Variants in RAPH1 observed in about 807,000 individuals in gnomAD.
The protein encoded by RAPH1 is Ras association (RalGDS/AF-6) and pleckstrin homology domains 1, also known as ras-associated and pleckstrin homology domains-containing protein 1.
In RAPH1, 18 loss-of-function variants were observed where a neutral mutation model predicts 88.1. The observed-to-expected ratio is 0.20, with a 90% CI of 0.14 to 0.30. The LOEUF (loss-of-function observed/expected upper bound fraction) is 0.30. Among genes scored for constraint, RAPH1 ranks in the 10% least tolerant of loss-of-function variants. RAPH1 has a pLI of 1.00. For synonymous variants in RAPH1, 587 were observed against 559.0 expected (o/e 1.05, Z -0.71); for missense variants, 1,448 against 1,543.2 (o/e 0.94, Z 1.03).
intron 10 of RAPH1, among the ~76,000 whole-genome samples, chr2:203,452,924 T>TGA (rs1408282201): frequency 6.6e-6 from 1 of 151,880 alleles, no homozygotes; most frequent in Non-Finnish European, 1.5e-5. Context: ...GGAGACAGAG[T>TGA]GAGACTGTCT....
intron 4 of RAPH1, chr2:203,477,227 G>A (rs1030961137): frequency 1.8e-6 from 2 of 1,124,568 alleles, no homozygotes; most frequent in African/African-American, 3.1e-5. Flanking sequence ...TTACCATGCA[G>A]GAAGAGAAAA....
chr2:203,533,873 C>T (rs1690497715), intron 1 of RAPH1, among the ~76,000 whole-genome samples: 1 of 152,092 alleles, frequency 6.6e-6, no homozygotes. Context: ...GGGAGGTAAA[C>T]AGGTGGTGTT....
chr2:203,489,562 G>T, intron 4 of RAPH1, 22 bp downstream of exon 4: 1 of 1,426,138 alleles, frequency 7.0e-7, no homozygotes, highest in Non-Finnish European at 9.3e-7. Context: ...AAAATACCAG[G>T]GAAAAAGTTC....
At chr2:203,506,271 T>G (rs1490470625) in intron 1 of RAPH1, among the ~76,000 whole-genome samples, 1 of 152,160 alleles carries the variant, frequency 6.6e-6, no homozygotes, top group Non-Finnish European at 1.5e-5. Flanking sequence ...CAGAGATGTG[T>G]GTATTATGTG....
chr2:203,531,689 G>T (rs559954395), intron 1 of RAPH1, among the ~76,000 whole-genome samples: 14 of 152,032 alleles, frequency 9.2e-5, no homozygotes, highest in Admixed American at 2.6e-4. Flanking sequence ...ACCACACCAC[G>T]CCCATTAGAA....
intron 1 of RAPH1, among the ~76,000 whole-genome samples, chr2:203,506,574 C>T (rs542902186): frequency 3.0e-4 from 46 of 151,086 alleles, no homozygotes; most frequent in African/African-American, 1.1e-3. Flanking sequence ...AGAACATCAT[C>T]TAGTGGCAAA....
At chr2:203,478,330 G>A (rs7569551) in intron 4 of RAPH1, among the ~76,000 whole-genome samples, 2,668 of 151,868 alleles carry the variant, frequency 0.018, 82 homozygotes, top group African/African-American at 0.061. Context: ...CACTGAGCCC[G>A]GCTTGTCATC....
intron 13 of RAPH1, chr2:203,442,347 A>T (rs1320037574): frequency 3.2e-6 from 1 of 313,458 alleles, no homozygotes; most frequent in African/African-American, 2.2e-5. Context: ...CCCTTGTTTT[A>T]AAAACTTTAG....
In RAPH1 at chr2:203,433,896, A is replaced by C. The variant is rs567526997; in HGVS notation, c.*5541T>G. 2.6e-5 allele frequency: 4 copies of C among 152,732 alleles called. No homozygotes were observed. The East Asian group carries it at 7.7e-4, about 29-fold the overall frequency. 9.5% of individuals were successfully genotyped at this position (152,732 alleles called of 1,614,324 possible). A position where few individuals can be genotyped will look rare whatever the true frequency, so the allele number is the denominator to read the frequency against. ...AAACATGTAAATGAAAAACATTTAC[A>C]CTGACTGTACGACTAGTGTGCTAAG... On this transcript the variant is annotated 3_prime_UTR_variant, in exon 14 of 14. Transcript: ENST00000319170.
At position 203,478,042 on chromosome 2, in the gene RAPH1, T is replaced by C. The variant is rs577283878; in HGVS notation, c.732+11542A>G. Among the ~76,000 whole-genome samples the C allele has an allele frequency of 5.9e-5, 9 of 152,100 alleles. No homozygotes were observed. The East Asian group carries it at 9.6e-4, about 16-fold the overall frequency. On this transcript the variant is annotated intron_variant, in intron 4 of 13. Transcript: ENST00000319170. The stretch of plus-strand genomic sequence containing the variant: ...AAGTCATCAATAACTTTTTGTTTTT[T>C]TTTTTTTTGAGACGGAGTCTTGCTC...
intron 1 of RAPH1, among the ~76,000 whole-genome samples, chr2:203,532,556 T>G (rs1337751204): frequency 2.0e-5 from 3 of 152,214 alleles, no homozygotes; most frequent in African/African-American, 7.2e-5. Flanking sequence ...TTTGGGCAAC[T>G]TATTGTCTGT....
At position 203,439,392 on chromosome 2, in the gene RAPH1, T is replaced by G. The variant is rs764761421; in HGVS notation, c.*45A>C. The G allele has an allele frequency of 6.4e-7, 1 of 1,567,288 alleles. No individual in the cohort carries two copies. Among genetic ancestry groups the G allele is most frequent in the Non-Finnish European group, 8.7e-7 (1 of 1,145,694 alleles). On this transcript the variant is annotated 3_prime_UTR_variant, in exon 14 of 14. Coordinates refer to ENST00000319170, the MANE Select transcript of RAPH1 (RefSeq NM_213589.3). ...TTCACAGATGATCAGGTGAGCTGAT[T>G]GTAGCAGTGATTACAGATATCATGA...
chr2:203,513,125 G>C (rs1281380455), intron 1 of RAPH1, among the ~76,000 whole-genome samples: 2 of 151,662 alleles, frequency 1.3e-5, no homozygotes, highest in Non-Finnish European at 2.9e-5. Flanking sequence ...TGAAATTCTT[G>C]TCTTAATTCT....
chr2:203,472,988 G>C (rs2098534438), intron 4 of RAPH1, among the ~76,000 whole-genome samples: 1 of 152,126 alleles, frequency 6.6e-6, no homozygotes, highest in Non-Finnish European at 1.5e-5. Context: ...TATGGTTGGT[G>C]GTCCCAAAAT....
chr2:203,447,923 A>G (rs2153636424), intron 12 of RAPH1, 36 bp downstream of exon 12: 1 of 1,611,354 alleles, frequency 6.2e-7, no homozygotes, highest in East Asian at 2.2e-5. Flanking sequence ...CCTTCATATT[A>G]ATCGCAAAAT....
At chr2:203,491,119 A>G (rs1216296979) in intron 3 of RAPH1, 95 bp downstream of exon 3, 2 of 662,946 alleles carry the variant, frequency 3.0e-6, no homozygotes, top group Admixed American at 5.3e-5. Context: ...TGTAGCTTTT[A>G]TATCGAGTTT....
At position 203,448,945 on chromosome 2, in the gene RAPH1, G is replaced by A. The variant is rs552947659; in HGVS notation, c.1414-109C>T. On this transcript the variant is annotated intron_variant, in intron 10 of 13. Transcript: ENST00000319170. The surrounding 1 kb of genome is among the most constrained non-coding windows in gnomAD (Gnocchi z 4.1). ...ACAAGTTATAGGCCATTAGAGTAAT[G>A]GCCAATACATTTATGCTTCTTATAT... 1.6e-5 allele frequency: 9 copies of A among 552,712 alleles called. No individual in the cohort carries two copies. The South Asian group carries it at 2.9e-4, about 18-fold the overall frequency. 34.2% of individuals were successfully genotyped at this position (552,712 alleles called of 1,614,324 possible). A position where few individuals can be genotyped will look rare whatever the true frequency, so the allele number is the denominator to read the frequency against.
chr2:203,438,096 G>T lies in RAPH1; in HGVS notation c.*1341C>A. The T allele has an allele frequency of 1.9e-6, 1 of 516,322 alleles. No individual in the cohort carries two copies. The highest frequency in any genetic ancestry group is 5.5e-5 in the East Asian group (1 of 18,294). 32.0% of individuals were successfully genotyped at this position (516,322 alleles called of 1,614,324 possible). ...AAACTGCACACGCATAAAACGTAAT[G>T]TCAGTTACTGGACTTGGACTGTCCC... On this transcript the variant is annotated 3_prime_UTR_variant, in exon 14 of 14. Transcript: ENST00000319170.
rs2098501790 is a variant in RAPH1 at position 203,439,946 on chromosome 2, GCT to G, written c.3242_3243del (p.Glu1081AlafsTer7). On this transcript the variant is annotated frameshift_variant, in exon 14 of 14. Transcript: ENST00000319170. LOFTEE classifies it high-confidence loss of function. ...GGAATCTCAATGGGGGGCAGAGGAA[GCT>G]CTGTTTCAGGTGGAGGGGGTGGAAA... Reference protein sequence around the residue: ...SDFPPPPPETELPLPPIEIPA... With the variant: ...SDFPPPPPETXLPLPPIEIPA... The G allele has an allele frequency of 1.2e-6, 2 of 1,613,916 alleles. No homozygotes were observed. Among genetic ancestry groups the G allele is most frequent in the Non-Finnish European group, 1.7e-6 (2 of 1,180,010 alleles).
Sources: gnomAD v4.1 joint callset for allele counts (sites outside exome capture counted in the v4.1 genomes callset) on GRCh38, gnomAD v4.1.1 for gene constraint, Gnocchi (gnomAD v3.1) non-coding constraint, MANE v1.5 for transcripts, NCBI Gene and HGNC (gene_info 2026-07-23, HGNC 2026-07-21) for gene names.